FAR1: variants seen among roughly 807,000 people sequenced by gnomAD.
The protein encoded by FAR1 is fatty acyl-CoA reductase 1.
A neutral mutation model predicts 61.1 loss-of-function variants in FAR1; 22 were observed. The ratio of observed to expected loss-of-function variants is 0.36; its 90% CI spans 0.26 to 0.51. FAR1 has a LOEUF of 0.51. Ranked by LOEUF, FAR1 falls within the 20% of genes least tolerant of loss-of-function variation. FAR1 has a pLI of 0.95. For synonymous variants in FAR1, 206 were observed against 209.7 expected (o/e 0.98, Z 0.15); for missense variants, 359 against 626.9 (o/e 0.57, Z 4.56).
chr11:13,687,336 T>C (rs12284332), intron 1 of FAR1, among the ~76,000 whole-genome samples: 4,694 of 152,284 alleles, frequency 0.031, 107 homozygotes, highest in Non-Finnish European at 0.045. Flanking sequence ...TGAAAATAAA[T>C]GTAAATTACC....
chr11:13,696,370 G>A (rs1340862099), intron 2 of FAR1, among the ~76,000 whole-genome samples: 3 of 152,156 alleles, frequency 2.0e-5, no homozygotes, highest in South Asian at 4.1e-4. Context: ...AAGAGGGAAG[G>A]AAGAGGGAGT....
In FAR1 at chr11:13,731,132, CT is replaced by C. The variant is rs1848721480; in HGVS notation, c.*2359del. The C allele has an allele frequency of 6.6e-6, 1 of 152,530 alleles. No homozygotes were observed. Among genetic ancestry groups the C allele is most frequent in the African/African-American group, 2.4e-5 (1 of 41,536 alleles). 9.4% of individuals were successfully genotyped at this position (152,530 alleles called of 1,614,324 possible). ...TCTAAAACATTTGGGGTTTTTCCCC[CT>C]ATTCAGTTTTAATCTTGGAATATGC... On this transcript the variant is annotated 3_prime_UTR_variant, in exon 12 of 12. Transcript: ENST00000354817.
intron 1 of FAR1, among the ~76,000 whole-genome samples, chr11:13,689,962 G>A (rs1458062299): frequency 4.9e-5 from 7 of 143,986 alleles, no homozygotes; most frequent in East Asian, 4.1e-4. Flanking sequence ...TGCAACCTCC[G>A]TATCCCGGGC....
At chr11:13,692,601 T>A (rs1347149050) in intron 1 of FAR1, among the ~76,000 whole-genome samples, 1 of 152,232 alleles carries the variant, frequency 6.6e-6, no homozygotes, top group African/African-American at 2.4e-5. Flanking sequence ...ATTTTGAGTT[T>A]AAAATTTTTC....
intron 2 of FAR1, among the ~76,000 whole-genome samples, chr11:13,697,643 C>G (rs963764715): frequency 6.6e-6 from 1 of 152,008 alleles, no homozygotes; most frequent in Non-Finnish European, 1.5e-5. Flanking sequence ...AAGAGTATCA[C>G]ATTTAAGATC....
rs532621340 is a variant in FAR1 at position 13,712,020 on chromosome 11, G to A, written c.861G>A (p.Ala287=). The A allele has an allele frequency of 2.0e-5, 33 of 1,612,780 alleles. No individual in the cohort carries two copies. In the South Asian group the frequency reaches 2.6e-4, roughly 13 times the overall value. ...PVDVVVNMSL[A]AAWYSGVNRP... ...ATGTAGTTGTCAACATGAGTCTTGC[G>A]GCAGCCTGGTATTCCGGAGTTAATA... is the stretch of plus-strand genomic sequence containing the variant. The change falls in exon 7 of 12, where the codon GCG becomes GCA. Residue 287 remains alanine, a synonymous_variant. Transcript: ENST00000354817.
chr11:13,727,579 G>A lies in FAR1; in HGVS notation c.1281G>A (p.Gln427=). 2 of 1,607,552 alleles carry A rather than the reference G, an allele frequency of 1.2e-6. No homozygotes were observed. The highest frequency in any genetic ancestry group is 1.3e-5 in the African/African-American group (1 of 74,658). The change falls in exon 11 of 12, where the codon CAG becomes CAA. Residue 427 remains glutamine, a synonymous_variant. Transcript: ENST00000354817. ...DKKTFNIDVR[Q]LHWAEYIENY... is the part of the protein sequence containing the mutation. Reference sequence around the variant, plus strand: ...AGACCTTCAATATTGATGTACGGCAGTTACATTGGGCAGAATATATAGAGA... The same window carrying A: ...AGACCTTCAATATTGATGTACGGCAATTACATTGGGCAGAATATATAGAGA...
At chr11:13,678,432 T>C (rs1848090642) in intron 1 of FAR1, among the ~76,000 whole-genome samples, 1 of 151,820 alleles carries the variant, frequency 6.6e-6, no homozygotes, top group African/African-American at 2.4e-5. Context: ...GCCCAGCTAA[T>C]TTTTTGTATT....
At chr11:13,690,179 A>G (rs1193611580) in intron 1 of FAR1, among the ~76,000 whole-genome samples, 1 of 151,858 alleles carries the variant, frequency 6.6e-6, no homozygotes, top group South Asian at 2.1e-4. Context: ...GCCTGGCCCA[A>G]TCCTTTTTTG....
rs757310319 is a variant in FAR1, at chr11:13,710,756, A to G, written c.609A>G (p.Thr203=). 6.2e-7 allele frequency: 1 copy of G among 1,611,936 alleles called. No homozygotes were observed. Among genetic ancestry groups the G allele is most frequent in the Non-Finnish European group, 8.5e-7 (1 of 1,179,254 alleles). The change falls in exon 5 of 12, where the codon ACA becomes ACG. Residue 203 remains threonine (T), a synonymous_variant. Coordinates refer to ENST00000354817, the MANE Select transcript of FAR1 (RefSeq NM_032228.6). ...AATTGATAGGAGACAGACCTAATAC[A>G]TACATATACACAAAAGCATTGGCAG... ...TPKLIGDRPN[T]YIYTKALAEY...
chr11:13,703,477 T>C (rs1331350093), intron 3 of FAR1, among the ~76,000 whole-genome samples: 4 of 152,202 alleles, frequency 2.6e-5, no homozygotes, highest in African/African-American at 9.7e-5. Context: ...CAGATGTTAC[T>C]ACAACATTAA....
intron 1 of FAR1, among the ~76,000 whole-genome samples, chr11:13,669,036 G>C (rs961349568): frequency 2.6e-5 from 4 of 152,172 alleles, no homozygotes; most frequent in African/African-American, 9.7e-5. Context: ...GGCCGGGACC[G>C]CGTGGGGGAC....
intron 1 of FAR1, chr11:13,686,463 A>T (rs969745079): frequency 1.3e-5 from 2 of 152,212 alleles, no homozygotes; most frequent in Non-Finnish European, 2.9e-5. Flanking sequence ...GTTGTTTTAA[A>T]TTCTAATACA....
chr11:13,695,618 T>A (rs969803449), intron 2 of FAR1, among the ~76,000 whole-genome samples: 2 of 152,168 alleles, frequency 1.3e-5, no homozygotes, highest in Non-Finnish European at 2.9e-5. Flanking sequence ...ACATAAGGAA[T>A]CTGACTGCAG....
At position 13,729,981 on chromosome 11, in the gene FAR1, G is replaced by A. The variant is rs564352574; in HGVS notation, c.*1207G>A. On this transcript the variant is annotated 3_prime_UTR_variant, in exon 12 of 12. Transcript: ENST00000354817. ...TGATTTTAGCTTTAGAAAGAAATGC[G>A]TTATAGAAACAAGTAATAGCAAGAA... 3.9e-5 allele frequency: 6 copies of A among 152,436 alleles called. No homozygotes were observed. The South Asian group carries it at 8.3e-4, about 21-fold the overall frequency. The allele number at this position is 152,436 out of a possible 1,614,324, so 9.4% of individuals were successfully genotyped here.
At chr11:13,705,316 A>C (rs1162556615) in intron 3 of FAR1, among the ~76,000 whole-genome samples, 1 of 152,136 alleles carries the variant, frequency 6.6e-6, no homozygotes, top group East Asian at 1.9e-4. Flanking sequence ...GAGGTAAAAC[A>C]CAGTTAGGTT....
At chr11:13,675,817 T>C (rs1292386196) in intron 1 of FAR1, among the ~76,000 whole-genome samples, 1 of 152,198 alleles carries the variant, frequency 6.6e-6, no homozygotes, top group Admixed American at 6.5e-5. Context: ...TACATGAAAT[T>C]TTTTCCAGAA....
At chr11:13,674,559 CTG>C (rs1202595753) in intron 1 of FAR1, among the ~76,000 whole-genome samples, 1 of 152,114 alleles carries the variant, frequency 6.6e-6, no homozygotes, top group East Asian at 1.9e-4. Context: ...TTCTTAAAAA[CTG>C]TATTACTGCA....
At chr11:13,694,672 A>G in intron 1 of FAR1, 87 bp from the exon 2 acceptor site, 1 of 1,176,196 alleles carries the variant, frequency 8.5e-7, no homozygotes, top group Non-Finnish European at 1.2e-6. Context: ...GCTTTTTAAA[A>G]TACTTATTTG....
Sources: gnomAD v4.1 joint callset for allele counts (sites outside exome capture counted in the v4.1 genomes callset) on GRCh38, gnomAD v4.1.1 for gene constraint, MANE v1.5 for transcripts, NCBI Gene and HGNC (gene_info 2026-07-23, HGNC 2026-07-21) for gene names.